The following LRMDA variants were observed in gnomAD, a reference collection of about 807,000 sequenced individuals.
LRMDA encodes leucine-rich melanocyte differentiation-associated protein.
LRMDA carries 18 observed loss-of-function variants against 29.8 expected under a neutral mutation model. The observed-to-expected ratio is 0.60, with a 90% CI of 0.42 to 0.90. The LOEUF is 0.90. Among genes scored for constraint, LRMDA ranks in the 40% least tolerant of loss-of-function variants. LRMDA has a pLI of 0.00. For missense variants in LRMDA, 273 were observed against 273.9 expected, an observed-to-expected ratio of 1.00 and a Z score of 0.02; for synonymous variants, 125 against 109.4, an observed-to-expected ratio of 1.14 and a Z score of -0.89.
intron 6 of LRMDA, chr10:76,403,119 C>G (rs1841866550): frequency 6.6e-6 from 1 of 151,680 alleles, no homozygotes; most frequent in Non-Finnish European, 1.5e-5. Flanking sequence ...CCAGATAGCT[C>G]TGTCCTAATC....
chr10:75,876,140 T>C (rs1200757192), intron 2 of LRMDA, among the ~76,000 whole-genome samples: 1 of 152,200 alleles, frequency 6.6e-6, no homozygotes, highest in African/African-American at 2.4e-5. Flanking sequence ...GGGCAGTGAT[T>C]GGACCTGGTA....
At chr10:76,480,307 G>T (rs975255373) in intron 6 of LRMDA, among the ~76,000 whole-genome samples, 1 of 151,822 alleles carries the variant, frequency 6.6e-6, no homozygotes, top group African/African-American at 2.4e-5. Context: ...CCCCTAAGTT[G>T]GTGATATTTT....
At chr10:76,102,633 T>A (rs376337069) in intron 5 of LRMDA, among the ~76,000 whole-genome samples, 1 of 152,260 alleles carries the variant, frequency 6.6e-6, no homozygotes, top group African/African-American at 2.4e-5. Flanking sequence ...TCCATTTAGG[T>A]CAGTTCCATG....
At chr10:75,706,417 A>G (rs566009562) in intron 2 of LRMDA, among the ~76,000 whole-genome samples, 1 of 152,218 alleles carries the variant, frequency 6.6e-6, no homozygotes, top group East Asian at 1.9e-4. Context: ...AAAGTCTTAG[A>G]TAAGTTTCTC....
chr10:76,257,336 C>T (rs1226961301), intron 5 of LRMDA, among the ~76,000 whole-genome samples: 5 of 142,152 alleles, frequency 3.5e-5, no homozygotes, highest in South Asian at 4.4e-4. Flanking sequence ...TTTTCTTTTT[C>T]TTTTTTTTTT....
At chr10:75,850,903 G>A (rs901694552) in intron 2 of LRMDA, among the ~76,000 whole-genome samples, 8 of 152,098 alleles carry the variant, frequency 5.3e-5, no homozygotes, top group Non-Finnish European at 8.8e-5. Context: ...GAGGTTTGAA[G>A]GCATGAACAA....
chr10:75,824,537 G>A (rs2132284769), intron 2 of LRMDA, among the ~76,000 whole-genome samples: 1 of 152,294 alleles, frequency 6.6e-6, no homozygotes, highest in Middle Eastern at 3.4e-3. Flanking sequence ...AGAAGACTTG[G>A]CAGGACCTAA....
intron 6 of LRMDA, among the ~76,000 whole-genome samples, chr10:76,492,863 A>G (rs1159726880): frequency 1.3e-5 from 2 of 152,054 alleles, no homozygotes; most frequent in Non-Finnish European, 2.9e-5. Context: ...AACCACCTCC[A>G]TGATTCAATT....
intron 2 of LRMDA, among the ~76,000 whole-genome samples, chr10:75,924,735 A>G (rs1287159797): frequency 6.6e-6 from 1 of 151,768 alleles, no homozygotes; most frequent in African/African-American, 2.4e-5. Flanking sequence ...AGAGACATTA[A>G]ACAAGGGGGT....
At chr10:75,986,881 A>G (rs1390089047) in intron 2 of LRMDA, among the ~76,000 whole-genome samples, 1 of 152,236 alleles carries the variant, frequency 6.6e-6, no homozygotes, top group African/African-American at 2.4e-5. Context: ...ACTGACTGAG[A>G]TTCACTTTAC....
chr10:76,441,907 G>C (rs920144540), intron 6 of LRMDA, among the ~76,000 whole-genome samples: 1 of 152,180 alleles, frequency 6.6e-6, no homozygotes, highest in East Asian at 1.9e-4. Context: ...CGTGCTCACT[G>C]AAGCAGTATT....
At chr10:75,566,128 G>C (rs763144469) in intron 2 of LRMDA, among the ~76,000 whole-genome samples, 1 of 152,112 alleles carries the variant, frequency 6.6e-6, no homozygotes, top group East Asian at 1.9e-4. Flanking sequence ...AAGTTCTCTG[G>C]GTAAGCTTTT....
At chr10:76,273,831 G>A (rs1840097639) in intron 5 of LRMDA, among the ~76,000 whole-genome samples, 1 of 152,094 alleles carries the variant, frequency 6.6e-6, no homozygotes, top group South Asian at 2.1e-4. Flanking sequence ...TACAGGATGA[G>A]GTCAAATGAT....
intron 2 of LRMDA, among the ~76,000 whole-genome samples, chr10:75,664,251 A>G (rs1428007429): frequency 2.0e-5 from 3 of 152,212 alleles, no homozygotes; most frequent in Non-Finnish European, 4.4e-5. Flanking sequence ...TCATACAATG[A>G]CAAACCCAAG....
chr10:76,184,934 A>T lies in LRMDA; in HGVS notation c.516+126151A>T, dbSNP rs190270547. ...ATAAGAAATGGGTAGCAAACGCTGA[A>T]TCAAAACTTTTTAGGCTTGGCAGCA... On this transcript the variant is annotated intron_variant, in intron 5 of 6. Coordinates refer to ENST00000611255, the MANE Select transcript of LRMDA (RefSeq NM_001305581.2). Among the ~76,000 whole-genome samples the T allele has an allele frequency of 3.1e-3, 477 of 152,314 alleles. 2 individuals carry two copies. Among genetic ancestry groups the T allele is most frequent in the African/African-American group, 7.1e-3 (294 of 41,570 alleles).
chr10:75,735,031 TTGTC>T (rs1842744997), intron 2 of LRMDA, among the ~76,000 whole-genome samples: 1 of 152,320 alleles, frequency 6.6e-6, no homozygotes, highest in East Asian at 1.9e-4. Context: ...TGATTGTAGA[TTGTC>T]TGGCTACCTC....
chr10:75,811,559 C>G (rs1190573423), intron 2 of LRMDA, among the ~76,000 whole-genome samples: 1 of 152,184 alleles, frequency 6.6e-6, no homozygotes, highest in Non-Finnish European at 1.5e-5. Flanking sequence ...ACTGAGGGCA[C>G]TGAGATCCAG....
At chr10:76,543,358 G>A (rs1843381467) in intron 6 of LRMDA, among the ~76,000 whole-genome samples, 1 of 126,492 alleles carries the variant, frequency 7.9e-6, no homozygotes, top group South Asian at 2.5e-4. Flanking sequence ...GTGTGTGTGT[G>A]TGTAGAGAGT....
At chr10:75,741,358 C>G (rs769972638) in intron 2 of LRMDA, among the ~76,000 whole-genome samples, 16 of 152,078 alleles carry the variant, frequency 1.1e-4, no homozygotes, top group Non-Finnish European at 1.9e-4. Flanking sequence ...GAGCAACTCT[C>G]TCTCATGTTG....
Sources: allele counts gnomAD v4.1 joint callset (sites outside exome capture counted in the v4.1 genomes callset), GRCh38; gene constraint gnomAD v4.1.1; transcripts MANE v1.5; gene names NCBI Gene and HGNC (gene_info 2026-07-23, HGNC 2026-07-21).